Variants in WDR59 observed in about 807,000 individuals in gnomAD.
WDR59 encodes GATOR2 complex protein WDR59.
In WDR59, 100 loss-of-function variants were observed where a neutral mutation model predicts 131.2. The ratio of observed to expected loss-of-function variants is 0.76; its 90% CI spans 0.65 to 0.90. WDR59 has a LOEUF of 0.90. Ranked by LOEUF, WDR59 falls within the 40% of genes least tolerant of loss-of-function variation. The probability of loss-of-function intolerance (pLI) is 0.00; values close to 1 mark genes in which losing one functional copy is unlikely to be tolerated. For synonymous variants in WDR59, 601 were observed against 466.2 expected (o/e 1.29, Z -3.72); for missense variants, 1,203 against 1,262.2 (o/e 0.95, Z 0.71).
chr16:74,926,698 T>A (rs1318807297), intron 8 of WDR59, among the ~76,000 whole-genome samples: 3 of 152,232 alleles, frequency 2.0e-5, no homozygotes, highest in Admixed American at 6.5e-5. Context: ...AAAACTGGTT[T>A]TACATTGTTT....
chr16:74,876,661 G>A (rs1233176076), intron 25 of WDR59, among the ~76,000 whole-genome samples: 1 of 152,068 alleles, frequency 6.6e-6, no homozygotes, highest in Non-Finnish European at 1.5e-5. Flanking sequence ...TCTTTGGGGG[G>A]ATCTGGACAA....
intron 17 of WDR59, among the ~76,000 whole-genome samples, chr16:74,906,465 G>C (rs1014138989): frequency 6.6e-6 from 1 of 151,972 alleles, no homozygotes; most frequent in African/African-American, 2.4e-5. Flanking sequence ...CAACCACTGT[G>C]CACAAACTTT....
At chr16:74,947,135 G>A (rs116362061) in intron 6 of WDR59, among the ~76,000 whole-genome samples, 1 of 152,200 alleles carries the variant, frequency 6.6e-6, no homozygotes, top group Non-Finnish European at 1.5e-5. Context: ...TAACTACAAA[G>A]ACTTGGTTCA....
intron 6 of WDR59, among the ~76,000 whole-genome samples, chr16:74,943,917 G>C (rs907662420): frequency 1.3e-5 from 2 of 152,124 alleles, no homozygotes; most frequent in African/African-American, 2.4e-5. Flanking sequence ...TGAGACATAA[G>C]GTATCTTATG....
intron 17 of WDR59, among the ~76,000 whole-genome samples, chr16:74,906,327 C>CAAAAAAA (rs1555555010): frequency 4.4e-5 from 1 of 22,746 alleles, no homozygotes; most frequent in Non-Finnish European, 1.0e-4. Context: ...AAAAAAAAAA[C>CAAAAAAA]CCACAGTGAG....
At chr16:74,883,833 A>G (rs1392495554) in intron 25 of WDR59, among the ~76,000 whole-genome samples, 2 of 152,086 alleles carry the variant, frequency 1.3e-5, no homozygotes, top group Non-Finnish European at 2.9e-5. Context: ...TGCCATCCAC[A>G]TGCTGGGGAT....
At chr16:74,965,685 T>C (rs2033741282) in intron 2 of WDR59, 88 bp downstream of exon 2, 2 of 1,494,668 alleles carry the variant, frequency 1.3e-6, no homozygotes, top group South Asian at 1.1e-5. Flanking sequence ...AATCCGTAAA[T>C]ATAAGAATAG....
At chr16:74,942,025 CATT>C (rs1334635830) in intron 7 of WDR59, among the ~76,000 whole-genome samples, 2 of 152,086 alleles carry the variant, frequency 1.3e-5, no homozygotes, top group African/African-American at 4.8e-5. Flanking sequence ...TGGCTCTGTT[CATT>C]ATTACCTAAC....
intron 3 of WDR59, among the ~76,000 whole-genome samples, chr16:74,952,937 G>T (rs1316915795): frequency 2.6e-5 from 4 of 152,060 alleles, no homozygotes; most frequent in African/African-American, 9.7e-5. Context: ...GAATAGGAAT[G>T]AAAAGAAAAG....
At chr16:74,937,221 G>C (rs1352869116) in intron 8 of WDR59, among the ~76,000 whole-genome samples, 6 of 152,178 alleles carry the variant, frequency 3.9e-5, no homozygotes, top group Non-Finnish European at 7.3e-5. Context: ...ACTGTACCTT[G>C]TGATAAACCA....
intron 25 of WDR59, among the ~76,000 whole-genome samples, chr16:74,882,361 C>T (rs774467952): frequency 3.9e-5 from 6 of 152,162 alleles, no homozygotes; most frequent in African/African-American, 1.4e-4. Flanking sequence ...TCTTCAAGTA[C>T]GTATACCAAC....
intron 17 of WDR59, among the ~76,000 whole-genome samples, chr16:74,905,308 G>A (rs975401982): frequency 2.6e-5 from 4 of 152,028 alleles, no homozygotes; most frequent in Non-Finnish European, 5.9e-5. Flanking sequence ...CCGGGAGGCG[G>A]AGGTTGTGGT....
intron 2 of WDR59, among the ~76,000 whole-genome samples, chr16:74,958,874 C>T (rs1291239512): frequency 1.3e-5 from 2 of 151,782 alleles, no homozygotes; most frequent in South Asian, 4.2e-4. Flanking sequence ...ACTAGCCCGA[C>T]CAACATGGAG....
At chr16:74,877,765 G>C (rs1016338264) in intron 25 of WDR59, among the ~76,000 whole-genome samples, 13 of 152,096 alleles carry the variant, frequency 8.5e-5, no homozygotes, top group Non-Finnish European at 2.9e-5. Context: ...GTCTGGTCTC[G>C]AACTCCTGAC....
chr16:74,895,352 T>A (rs1013165403), intron 18 of WDR59, among the ~76,000 whole-genome samples: 1 of 152,190 alleles, frequency 6.6e-6, no homozygotes, highest in African/African-American at 2.4e-5. Flanking sequence ...AATCTCCGCC[T>A]CCGGGGTTCA....
chr16:74,926,190 G>C (rs2030796421), intron 8 of WDR59, among the ~76,000 whole-genome samples: 1 of 151,432 alleles, frequency 6.6e-6, no homozygotes, highest in Non-Finnish European at 1.5e-5. Context: ...CTCCCACGTA[G>C]CTGGGATTAC....
At chr16:74,977,187 G>C (rs939272038) in intron 1 of WDR59, among the ~76,000 whole-genome samples, 2 of 151,726 alleles carry the variant, frequency 1.3e-5, no homozygotes, top group African/African-American at 4.8e-5. Flanking sequence ...AGTGCACCAT[G>C]ATCGTGACTG....
intron 17 of WDR59, among the ~76,000 whole-genome samples, chr16:74,907,758 T>C (rs1965887494): frequency 6.6e-6 from 1 of 152,172 alleles, no homozygotes; most frequent in Non-Finnish European, 1.5e-5. Context: ...TAAAAACCAG[T>C]AATCAAAACA....
chr16:74,961,755 T>C (rs1343542830), intron 2 of WDR59, among the ~76,000 whole-genome samples: 1 of 152,230 alleles, frequency 6.6e-6, no homozygotes, highest in Non-Finnish European at 1.5e-5. Context: ...TTCACTCTGA[T>C]GATAGTTTCT....
Sources: gnomAD v4.1 joint callset for allele counts (sites outside exome capture counted in the v4.1 genomes callset) on GRCh38, gnomAD v4.1.1 for gene constraint, MANE v1.5 for transcripts, NCBI Gene and HGNC (gene_info 2026-07-23, HGNC 2026-07-21) for gene names.